Variants in PTPN3 observed in about 807,000 individuals in gnomAD.
PTPN3 encodes protein tyrosine phosphatase non-receptor type 3.
PTPN3 carries 96 observed loss-of-function variants against 132.7 expected under a neutral mutation model. The ratio of observed to expected loss-of-function variants is 0.72; its 90% confidence interval spans 0.61 to 0.86. PTPN3 has a LOEUF of 0.86. PTPN3 is among the 40% of genes least tolerant of loss of function. PTPN3 has a pLI of 0.00. For missense variants in PTPN3, 1,125 were observed against 1,159.6 expected, an observed-to-expected ratio of 0.97 and a Z score of 0.43; for synonymous variants, 398 against 429.0, an observed-to-expected ratio of 0.93 and a Z score of 0.89.
At chr9:109,525,452 G>A in the PTPN3 span, among the ~76,000 whole-genome samples, 1 of 152,280 alleles carries the variant, frequency 6.6e-6, no homozygotes, top group Middle Eastern at 3.4e-3. Flanking sequence ...GTGCACATGA[G>A]GATCATCTTG....
chr9:109,384,406 G>T (rs2131598047), intron 22 of PTPN3, among the ~76,000 whole-genome samples: 1 of 152,326 alleles, frequency 6.6e-6, no homozygotes, highest in South Asian at 2.1e-4. Flanking sequence ...GGCTACTCGG[G>T]ATTAAGTGAC....
intron 19 of PTPN3, among the ~76,000 whole-genome samples, chr9:109,401,710 T>C (rs1396071018): frequency 6.6e-6 from 1 of 152,102 alleles, no homozygotes; most frequent in East Asian, 1.9e-4. Context: ...CTAGAGGCAT[T>C]GCCCAGGATC....
chr9:109,459,584 C>T (rs1845734761), intron 2 of PTPN3, among the ~76,000 whole-genome samples: 1 of 152,138 alleles, frequency 6.6e-6, no homozygotes, highest in African/African-American at 2.4e-5. Flanking sequence ...CAGGGTCTTG[C>T]TCCACTGCCC....
chr9:109,493,657 T>C (rs1433422999), intron 1 of PTPN3, among the ~76,000 whole-genome samples: 2 of 152,216 alleles, frequency 1.3e-5, no homozygotes, highest in Admixed American at 6.5e-5. Context: ...CACATTCTTT[T>C]TTCACACTAC....
At chr9:109,533,125 A>ATTTTTTT in the PTPN3 span, among the ~76,000 whole-genome samples, 1 of 49,802 alleles carries the variant, frequency 2.0e-5, no homozygotes, top group Non-Finnish European at 3.3e-5. Flanking sequence ...ATACCTGGCT[A>ATTTTTTT]ATTTTTTTTT....
chr9:109,505,702 A>G, the PTPN3 span, among the ~76,000 whole-genome samples: 15 of 152,144 alleles, frequency 9.9e-5, no homozygotes, highest in African/African-American at 3.6e-4. Flanking sequence ...ATGGTCTTCT[A>G]GGTATTACTG....
At chr9:109,496,555 A>G (rs988163258) in intron 1 of PTPN3, among the ~76,000 whole-genome samples, 1 of 152,232 alleles carries the variant, frequency 6.6e-6, no homozygotes, top group African/African-American at 2.4e-5. Context: ...CTCACAAGGG[A>G]GTTGTAAAGA....
chr9:109,409,378 C>A (rs994205088), intron 16 of PTPN3, among the ~76,000 whole-genome samples: 5 of 152,092 alleles, frequency 3.3e-5, no homozygotes, highest in Admixed American at 6.5e-5. Flanking sequence ...TTTCTGGGAA[C>A]CTCAGTATTC....
At chr9:109,396,153 C>T (rs559880756) in intron 19 of PTPN3, among the ~76,000 whole-genome samples, 32 of 152,296 alleles carry the variant, frequency 2.1e-4, no homozygotes, top group African/African-American at 7.0e-4. Context: ...TGAGCCACTG[C>T]GCCTGGCCTC....
At chr9:109,505,706 A>G in the PTPN3 span, among the ~76,000 whole-genome samples, 1 of 152,038 alleles carries the variant, frequency 6.6e-6, no homozygotes, top group African/African-American at 2.4e-5. Context: ...TCTTCTAGGT[A>G]TTACTGATGC....
chr9:109,490,556 G>A (rs1847412043), intron 1 of PTPN3, among the ~76,000 whole-genome samples: 1 of 152,094 alleles, frequency 6.6e-6, no homozygotes, highest in Non-Finnish European at 1.5e-5. Flanking sequence ...TGACCAACAC[G>A]GAGAAATCCC....
At chr9:109,464,647 A>T (rs966506887) in intron 1 of PTPN3, among the ~76,000 whole-genome samples, 2 of 152,258 alleles carry the variant, frequency 1.3e-5, no homozygotes, top group African/African-American at 4.8e-5. Context: ...ACAACAAAAA[A>T]GAATATTCAT....
At chr9:109,425,619 G>A (rs1043831216) in intron 12 of PTPN3, among the ~76,000 whole-genome samples, 2 of 152,066 alleles carry the variant, frequency 1.3e-5, no homozygotes, top group Admixed American at 6.6e-5. Context: ...GCTGAGGTAG[G>A]AGAATTACTT....
intron 19 of PTPN3, among the ~76,000 whole-genome samples, chr9:109,402,615 C>T (rs1028658509): frequency 9.9e-5 from 15 of 152,112 alleles, no homozygotes; most frequent in African/African-American, 3.4e-4. Flanking sequence ...TGTGAACAGC[C>T]TCCTGTAGGC....
the PTPN3 span, among the ~76,000 whole-genome samples, chr9:109,520,107 C>T: frequency 0.13 from 19,402 of 149,516 alleles, 1,474 homozygotes; most frequent in Middle Eastern, 0.25. Flanking sequence ...TGCAGTGAGC[C>T]GAGATGGCGC....
chr9:109,497,191 G>A (rs1042528931), intron 1 of PTPN3, among the ~76,000 whole-genome samples: 2 of 152,110 alleles, frequency 1.3e-5, no homozygotes, highest in African/African-American at 2.4e-5. Context: ...TCCACCACTA[G>A]GCCCTGAAGA....
chr9:109,500,524 GATTA>G (rs1224248802), upstream of PTPN3, among the ~76,000 whole-genome samples: 1 of 151,550 alleles, frequency 6.6e-6, no homozygotes, highest in Non-Finnish European at 1.5e-5. Context: ...ACAGAGGGAT[GATTA>G]ATTAGGTTAT....
At chr9:109,381,202 A>C (rs954375487) in intron 25 of PTPN3, among the ~76,000 whole-genome samples, 12 of 152,152 alleles carry the variant, frequency 7.9e-5, no homozygotes, top group African/African-American at 2.9e-4. Flanking sequence ...TATCCCCTAG[A>C]GTTCCTCTTG....
chr9:109,506,921 A>G, the PTPN3 span, among the ~76,000 whole-genome samples: 1 of 152,184 alleles, frequency 6.6e-6, no homozygotes, highest in African/African-American at 2.4e-5. Flanking sequence ...CTACCATGTG[A>G]TGTATAACCT....
Sources: allele counts gnomAD v4.1 joint callset (sites outside exome capture counted in the v4.1 genomes callset), GRCh38; gene constraint gnomAD v4.1.1; transcripts MANE v1.5; gene names NCBI Gene and HGNC (gene_info 2026-07-23, HGNC 2026-07-21).